RFX1: variants seen among roughly 807,000 people sequenced by gnomAD.
RFX1 encodes the protein MHC class II regulatory factor RFX1.
A neutral mutation model predicts 119.6 loss-of-function variants in RFX1; 42 were observed. That is an observed-to-expected ratio of 0.35 (90% CI 0.27 to 0.45). RFX1 has a LOEUF of 0.45. Among genes scored for constraint, RFX1 ranks in the 20% least tolerant of loss-of-function variants. The pLI, the probability that RFX1 is intolerant of heterozygous loss-of-function variation, is 1.00. For missense variants in RFX1, 1,118 were observed against 1,368.1 expected (o/e 0.82, Z 2.88); for synonymous variants, 628 against 618.5 (o/e 1.02, Z -0.23).
rs1171780808 is a variant in RFX1 at position 13,968,927 on chromosome 19, G to A, written c.1497-33C>T. 2.6e-6 allele frequency: 4 copies of A among 1,540,700 alleles called. No individual in the cohort carries two copies. In the Admixed American group the frequency reaches 7.9e-5, roughly 30 times the overall value. ...GGAGGTGGAGGGGAAGGGCTGGGCT[G>A]GGGGTCTGCCGGCTGGCCGGCCATG... On this transcript the variant is annotated intron_variant, in intron 10 of 20. Coordinates refer to ENST00000254325, the MANE Select transcript of RFX1 (RefSeq NM_002918.5). The surrounding 1 kb of genome is among the most constrained non-coding windows in gnomAD (Gnocchi z 5.5).
At position 13,972,992 on chromosome 19, in the gene RFX1, G is replaced by A. The variant is rs779892171; in HGVS notation, c.1065C>T (p.Ser355=). 3 of 1,600,498 alleles carry A rather than the reference G, an allele frequency of 1.9e-6. No individual in the cohort carries two copies. The highest frequency in any genetic ancestry group is 2.7e-5 in the African/African-American group (2 of 74,916). Residue 355 remains serine, a synonymous_variant, in exon 9 of 21, where the codon TCC becomes TCT. Coordinates refer to ENST00000254325, the MANE Select transcript of RFX1 (RefSeq NM_002918.5). ...GGCTGCCGGACACGTACATGGGCAT[G>A]GAGCCACTGCTGGCCACCGCCTGGG... ...ATSQAVASSG[S]MPMYVSGSQV... is the part of the protein sequence containing the mutation.
chr19:13,983,693 C>G (rs1974510741), intron 2 of RFX1, 98 bp from the exon 3 acceptor site: 1 of 1,024,180 alleles, frequency 9.8e-7, no homozygotes, highest in Non-Finnish European at 1.4e-6. Flanking sequence ...TGAAGCCAAC[C>G]CCCAGCAAGG....
At chr19:13,993,958 G>A in intron 1 of RFX1, 63 bp from the exon 2 acceptor site, 2 of 938,790 alleles carry the variant, frequency 2.1e-6, no homozygotes, top group Admixed American at 2.5e-5. Context: ...AGGAAAAACA[G>A]GAATTAATCC....
In RFX1 at chr19:13,962,769, T is replaced by C. The variant is rs1973741296; in HGVS notation, c.2866A>G (p.Thr956Ala). The change falls in exon 21 of 21, where the codon ACC becomes GCC. Residue 956 changes from threonine to alanine, a missense_variant. Thr to Ala is a moderately conservative substitution (Grantham distance 58). Coordinates refer to ENST00000254325, the MANE Select transcript of RFX1 (RefSeq NM_002918.5). ...GCCAGCTTGGCCGGCGGCTCCAGGG[T>C]CTCCGGGCCCAGCGCGGGTGACTCG... ...GGESPALGPE[T>A]LEPPAKLART... 6.5e-7 allele frequency: 1 copy of C among 1,530,346 alleles called. No individual in the cohort carries two copies. 94.8% of individuals were successfully genotyped at this position (1,530,346 alleles called of 1,614,324 possible).
At position 13,966,808 on chromosome 19, in the gene RFX1, G is replaced by A. The variant is rs557969804; in HGVS notation, c.1733-57C>T. The A allele has an allele frequency of 7.4e-6, 9 of 1,223,518 alleles. No individual in the cohort carries two copies. The South Asian group carries it at 1.2e-4, about 16-fold the overall frequency. The allele number at this position is 1,223,518 out of a possible 1,614,324, so 75.8% of individuals were successfully genotyped here. On this transcript the variant is annotated intron_variant, in intron 12 of 20. Coordinates refer to ENST00000254325, the MANE Select transcript of RFX1 (RefSeq NM_002918.5). The surrounding 1 kb of genome is among the most constrained non-coding windows in gnomAD (Gnocchi z 6.3). ...CATCCCCCTTGCCTGCCCACCCTGG[G>A]GTCCTACTGACCTGTCCGTTTCCCA...
intron 1 of RFX1, among the ~76,000 whole-genome samples, chr19:14,004,433 G>A (rs757911295): frequency 2.0e-5 from 3 of 152,114 alleles, no homozygotes; most frequent in South Asian, 2.1e-4. Flanking sequence ...ACTTGTACCC[G>A]GGAGGCGGAG....
In RFX1 at chr19:13,986,499, G is replaced by A. The variant is rs951488932; in HGVS notation, c.320-2904C>T. 2.0e-5 allele frequency among the ~76,000 whole-genome samples: 3 copies of A among 152,184 alleles called. No homozygotes were observed. Among genetic ancestry groups the A allele is most frequent in the Non-Finnish European group, 2.9e-5 (2 of 68,016 alleles). ...CAGCCATCCCTGTCTGCCTGCGGCC[G>A]GGGCAGGGCCCCTCCACCACTGGGT... On this transcript the variant is annotated intron_variant, in intron 2 of 20. Coordinates refer to ENST00000254325, the MANE Select transcript of RFX1 (RefSeq NM_002918.5). This position sits in a 1 kb window ranked among gnomAD's most constrained non-coding sequence, Gnocchi z 4.2.
Position 13,962,841 on chromosome 19 carries a change from C to T in RFX1, c.2794G>A (p.Glu932Lys). ...DKDEEEEEEE[E>K]SEDELPQDIS... is the part of the protein sequence containing the mutation. ...TCCTGCGGCAGCTCGTCCTCGCTCT[C>T]CTCCTCCTCTTCTTCCTCCTCGTCT... The change falls in exon 21 of 21, where the codon GAG becomes AAG. Residue 932 changes from glutamate to lysine, a missense_variant. Around this residue, in one of 5 missense-constraint regions of RFX1, gnomAD observed 138 missense variants for 117.8 expected, o/e 1.17. Coordinates refer to ENST00000254325, the MANE Select transcript of RFX1 (RefSeq NM_002918.5). The T allele has an allele frequency of 2.6e-6, 4 of 1,527,956 alleles. No homozygotes were observed. Among genetic ancestry groups the T allele is most frequent in the African/African-American group, 2.7e-5 (2 of 72,832 alleles). The allele number at this position is 1,527,956 out of a possible 1,614,324, so 94.6% of individuals were successfully genotyped here.
intron 2 of RFX1, among the ~76,000 whole-genome samples, chr19:13,987,276 A>G (rs1974631655): frequency 6.6e-6 from 1 of 151,668 alleles, no homozygotes; most frequent in Admixed American, 6.6e-5. Context: ...GGATTTATGG[A>G]TCTAGTATTG....
In RFX1 at chr19:13,986,360, T is replaced by C. The variant is rs1437167168; in HGVS notation, c.320-2765A>G. On this transcript the variant is annotated intron_variant, in intron 2 of 20. Coordinates refer to ENST00000254325, the MANE Select transcript of RFX1 (RefSeq NM_002918.5). The surrounding 1 kb of genome is among the most constrained non-coding windows in gnomAD (Gnocchi z 4.2). ...AGCAGCCTTGCCCGTCTCCTGCCTC[T>C]GGGGTAGCCCTCAAGGCTGGGACCC... is the stretch of plus-strand genomic sequence containing the variant. Among the ~76,000 whole-genome samples the C allele has an allele frequency of 6.6e-6, 1 of 152,182 alleles. No homozygotes were observed. Among genetic ancestry groups the C allele is most frequent in the Non-Finnish European group, 1.5e-5 (1 of 68,002 alleles).
rs1264288479 is a variant in RFX1, at chr19:13,969,202, G to T, written c.1497-308C>A. Among the ~76,000 whole-genome samples, 1 of 152,298 alleles carries T rather than the reference G, an allele frequency of 6.6e-6. No homozygotes were observed. The highest frequency in any genetic ancestry group is 2.4e-5 in the African/African-American group (1 of 41,554). On this transcript the variant is annotated intron_variant, in intron 10 of 20. Coordinates refer to ENST00000254325, the MANE Select transcript of RFX1 (RefSeq NM_002918.5). The surrounding 1 kb of genome is among the most constrained non-coding windows in gnomAD (Gnocchi z 4.5). ...TGAGCCATGGGGGTTGCAAAGGAGA[G>T]GAAGAGAGGGGCGGGTTCTTGGGAT...
intron 1 of RFX1, among the ~76,000 whole-genome samples, chr19:13,994,926 ATATATATATAT>A (rs1568481499): frequency 9.0e-6 from 1 of 110,992 alleles, no homozygotes; most frequent in African/African-American, 3.6e-5. Context: ...ATATATATAT[ATATATATATAT>A]AATCATTTTT....
chr19:13,986,392 C>A lies in RFX1; in HGVS notation c.320-2797G>T, dbSNP rs912641051. ...GCCCTCAAGGCTGGGACCCCGCCTG[C>A]CAGCCCAGGAGGGCGCCAGGGGATG... On this transcript the variant is annotated intron_variant, in intron 2 of 20. Coordinates refer to ENST00000254325, the MANE Select transcript of RFX1 (RefSeq NM_002918.5). The surrounding 1 kb of genome is among the most constrained non-coding windows in gnomAD (Gnocchi z 4.2). Among the ~76,000 whole-genome samples the A allele has an allele frequency of 1.3e-5, 2 of 152,182 alleles. No individual in the cohort carries two copies. The highest frequency in any genetic ancestry group is 4.8e-5 in the African/African-American group (2 of 41,458).
At position 13,996,785 on chromosome 19, in the gene RFX1, C is replaced by T. The variant is rs529385950; in HGVS notation, c.-52-2890G>A. Among the ~76,000 whole-genome samples the T allele has an allele frequency of 1.1e-4, 16 of 148,120 alleles. No individual in the cohort carries two copies. The South Asian group carries it at 2.6e-3, about 24-fold the overall frequency. ...TCATCCAGGCTGGAGTGCAGTGGCA[C>T]GATCTTGGCTCACTGCAACCTCTGC... On this transcript the variant is annotated intron_variant, in intron 1 of 20. Coordinates refer to ENST00000254325, the MANE Select transcript of RFX1 (RefSeq NM_002918.5).
At chr19:13,967,957 T>C (rs1973957285) in intron 12 of RFX1, among the ~76,000 whole-genome samples, 1 of 152,116 alleles carries the variant, frequency 6.6e-6, no homozygotes, top group Admixed American at 6.5e-5. Context: ...TGGGTGGGAT[T>C]TGAAATCTCA....
chr19:13,981,273 G>A (rs1974422981), intron 5 of RFX1, among the ~76,000 whole-genome samples: 1 of 152,194 alleles, frequency 6.6e-6, no homozygotes. Flanking sequence ...ACCATCAGTT[G>A]TTTGACACAG....
At chr19:13,993,265 A>G (rs1349842348) in intron 2 of RFX1, among the ~76,000 whole-genome samples, 1 of 152,182 alleles carries the variant, frequency 6.6e-6, no homozygotes, top group Non-Finnish European at 1.5e-5. Context: ...ACTGCACTCC[A>G]GCCTGGGCAA....
chr19:13,992,540 C>T (rs979200998), intron 2 of RFX1, among the ~76,000 whole-genome samples: 1 of 152,310 alleles, frequency 6.6e-6, no homozygotes, highest in African/African-American at 2.4e-5. Context: ...CTGGATCCTG[C>T]CCAAAACAAC....
chr19:13,993,764 G>A lies in RFX1; in HGVS notation c.80C>T (p.Pro27Leu), dbSNP rs779727703. Residue 27 changes from proline (P) to leucine (L), a missense_variant, in exon 2 of 21, where the codon CCC (proline) becomes CTC (leucine). Coordinates refer to ENST00000254325, the MANE Select transcript of RFX1 (RefSeq NM_002918.5). ...TGGGGGTGGTGGCGGTGGCGGCTGGGGCTGGGCTTGTGGCGGGGCCTGTGG... is the reference window on the plus strand; with the variant it reads ...TGGGGGTGGTGGCGGTGGCGGCTGGAGCTGGGCTTGTGGCGGGGCCTGTGG... ...QPPQAPPQAQ[P>L]QPPPPPPPAA... is the part of the protein sequence containing the mutation. 1.9e-6 allele frequency: 3 copies of A among 1,603,672 alleles called. No homozygotes were observed. Among genetic ancestry groups the A allele is most frequent in the Non-Finnish European group, 2.6e-6 (3 of 1,175,734 alleles).
Sources: allele counts gnomAD v4.1 joint callset (sites outside exome capture counted in the v4.1 genomes callset), GRCh38; gene constraint gnomAD v4.1.1; regional missense constraint gnomAD v4.1.1; non-coding constraint Gnocchi (gnomAD v3.1); transcripts MANE v1.5; gene names NCBI Gene and HGNC (gene_info 2026-07-23, HGNC 2026-07-21).